The following TPP2 variants were observed in gnomAD, a reference collection of about 807,000 sequenced individuals.
The protein encoded by TPP2 is tripeptidyl-peptidase 2.
TPP2 carries 34 observed loss-of-function variants against 155.9 expected under a neutral mutation model. The ratio of observed to expected loss-of-function variants is 0.22; its 90% CI spans 0.17 to 0.29. The LOEUF (loss-of-function observed/expected upper bound fraction) is 0.29. Among genes scored for constraint, TPP2 ranks in the 10% least tolerant of loss-of-function variants. The pLI, the probability that TPP2 is intolerant of heterozygous loss-of-function variation, is 1.00. For synonymous variants in TPP2, 510 were observed against 529.4 expected (o/e 0.96, Z 0.50); for missense variants, 1,028 against 1,522.3 (o/e 0.68, Z 5.40).
chr13:102,673,318 G>C (rs1885096490), intron 27 of TPP2, among the ~76,000 whole-genome samples: 1 of 152,166 alleles, frequency 6.6e-6, no homozygotes, highest in African/African-American at 2.4e-5. Flanking sequence ...ATTTCACTCT[G>C]AGTCTTTCAG....
intron 5 of TPP2, among the ~76,000 whole-genome samples, chr13:102,620,277 T>C (rs1453798129): frequency 6.6e-6 from 1 of 152,202 alleles, no homozygotes; most frequent in African/African-American, 2.4e-5. Flanking sequence ...TTTAGAACTT[T>C]TGAGTTAGAA....
chr13:102,676,657 A>G (rs564007346), intron 29 of TPP2, among the ~76,000 whole-genome samples: 10 of 152,366 alleles, frequency 6.6e-5, no homozygotes, highest in South Asian at 2.1e-4. Context: ...AATGTTTTCA[A>G]CAAGGGCAAA....
chr13:102,608,643 G>C (rs1325445681), intron 2 of TPP2, among the ~76,000 whole-genome samples: 1 of 151,952 alleles, frequency 6.6e-6, no homozygotes, highest in East Asian at 1.9e-4. Context: ...GCATATTTTT[G>C]TATCATGTAT....
Position 102,614,138 on chromosome 13 carries a change from A to G in TPP2, c.332A>G (p.His111Arg). ...TGGACAAATCCCTCAGGCAAATATC[A>G]TATTGGCATAAAAAATGGCTATGAC... ...ASWTNPSGKYHIGIKNGYDFY... is the reference protein window; with the variant it reads ...ASWTNPSGKYRIGIKNGYDFY... The change falls in exon 3 of 30, where the codon CAT becomes CGT. Residue 111 changes from histidine (H) to arginine (R), a missense_variant. Physicochemically the swap from His to Arg is conservative, Grantham distance 29 (BLOSUM62 0). Around this residue, in one of 7 missense-constraint regions of TPP2, gnomAD observed 300 missense variants for 398.3 expected, o/e 0.75. Coordinates refer to ENST00000376052, the MANE Select transcript of TPP2 (RefSeq NM_001330588.2). The G allele has an allele frequency of 6.2e-7, 1 of 1,613,630 alleles. No individual in the cohort carries two copies.
chr13:102,623,524 T>C (rs1566332728), intron 6 of TPP2, among the ~76,000 whole-genome samples: 1 of 152,204 alleles, frequency 6.6e-6, no homozygotes. Flanking sequence ...GATCGTGCCA[T>C]TGCACTCCAG....
chr13:102,677,233 T>TA (rs778276621), intron 29 of TPP2, among the ~76,000 whole-genome samples: 2 of 152,226 alleles, frequency 1.3e-5, no homozygotes, highest in Non-Finnish European at 2.9e-5. Flanking sequence ...GAACTCTTTC[T>TA]GGAGCCAGGT....
In TPP2 at chr13:102,597,307, C is replaced by T. The variant is rs995557374; in HGVS notation, c.165+104C>T. On this transcript the variant is annotated intron_variant, in intron 1 of 29. Transcript: ENST00000376052. ...GCAGGCCAAAGCCCCGCTCTGCGGC[C>T]GAGTCCGGGCCGGGGTGGGCAGCAC... The T allele has an allele frequency of 1.1e-5, 7 of 658,426 alleles. No individual in the cohort carries two copies. The African/African-American group carries it at 1.1e-4, about 11-fold the overall frequency. The allele number at this position is 658,426 out of a possible 1,614,324, so 40.8% of individuals were successfully genotyped here.
At chr13:102,648,429 C>CGTGTGTGT (rs56934655) in intron 21 of TPP2, among the ~76,000 whole-genome samples, 6,226 of 147,914 alleles carry the variant, frequency 0.042, 149 homozygotes, top group East Asian at 0.071. Flanking sequence ...ATAAGTTACA[C>CGTGTGTGT]GTGTGTGTGT....
At chr13:102,611,374 T>C (rs1880303849) in intron 2 of TPP2, among the ~76,000 whole-genome samples, 1 of 152,286 alleles carries the variant, frequency 6.6e-6, no homozygotes, top group South Asian at 2.1e-4. Context: ...ACCAAGTGTC[T>C]GTATTAAAGG....
At position 102,635,665 on chromosome 13, in the gene TPP2, A is replaced by G. The variant is rs776609509; in HGVS notation, c.1472A>G (p.Asn491Ser). ...GAAAACACTGCAGTGAAGGCTGACA[A>G]TATAGAAGTATTTGCTCAAGGACAT... Reference protein sequence around the residue: ...ALENTAVKADNIEVFAQGHGI... With the variant: ...ALENTAVKADSIEVFAQGHGI... Residue 491 changes from asparagine to serine, a missense_variant, in exon 12 of 30, where the codon AAT (asparagine) becomes AGT (serine). This residue lies in a region of TPP2 where 325 missense variants were observed against 463.7 expected (regional missense o/e 0.70). Coordinates refer to ENST00000376052, the MANE Select transcript of TPP2 (RefSeq NM_001330588.2). The G allele has an allele frequency of 5.0e-6, 8 of 1,613,242 alleles. No individual in the cohort carries two copies. Among genetic ancestry groups the G allele is most frequent in the Non-Finnish European group, 6.8e-6 (8 of 1,179,760 alleles).
intron 25 of TPP2, among the ~76,000 whole-genome samples, chr13:102,659,057 G>C (rs1884036569): frequency 6.6e-6 from 1 of 152,192 alleles, no homozygotes; most frequent in Admixed American, 6.5e-5. Flanking sequence ...TAGTGATTTT[G>C]CCAGTGTGGC....
At chr13:102,630,245 A>G in intron 10 of TPP2, 50 bp downstream of exon 10, 1 of 1,431,460 alleles carries the variant, frequency 7.0e-7, no homozygotes, top group Non-Finnish European at 9.8e-7. Flanking sequence ...GTTAAACTTT[A>G]CACTGTTGAG....
At position 102,663,617 on chromosome 13, in the gene TPP2, G is replaced by A. The variant is rs767401664; in HGVS notation, c.3144-31G>A. On this transcript the variant is annotated intron_variant, in intron 25 of 29. Coordinates refer to ENST00000376052, the MANE Select transcript of TPP2 (RefSeq NM_001330588.2). Reference sequence around the variant, plus strand: ...CAAATAGTCTTTTTAAAAGAAAAAAGTAAATATTTCTCTCCTTCTTACATA... The same window carrying A: ...CAAATAGTCTTTTTAAAAGAAAAAAATAAATATTTCTCTCCTTCTTACATA... The A allele has an allele frequency of 1.4e-5, 21 of 1,481,784 alleles. No homozygotes were observed. In the African/African-American group the frequency reaches 3.1e-4, roughly 22 times the overall value. The allele number at this position is 1,481,784 out of a possible 1,614,324, so 91.8% of individuals were successfully genotyped here.
intron 11 of TPP2, among the ~76,000 whole-genome samples, 164 bp downstream of exon 11, chr13:102,634,262 T>G (rs1459900089): frequency 6.6e-6 from 1 of 152,236 alleles, no homozygotes; most frequent in East Asian, 1.9e-4. Flanking sequence ...AATGTGTGTT[T>G]ATTCAGCAGT....
intron 27 of TPP2, among the ~76,000 whole-genome samples, chr13:102,668,231 T>C (rs1323905981): frequency 6.6e-6 from 1 of 152,170 alleles, no homozygotes; most frequent in Non-Finnish European, 1.5e-5. Flanking sequence ...ATAAGAGAAT[T>C]TGGCTGCCTT....
chr13:102,617,146 C>T (rs2139447162), intron 4 of TPP2, among the ~76,000 whole-genome samples: 1 of 151,992 alleles, frequency 6.6e-6, no homozygotes, highest in African/African-American at 2.4e-5. Context: ...GAACTCCCAA[C>T]CTTGTGATAC....
intron 24 of TPP2, among the ~76,000 whole-genome samples, chr13:102,656,386 C>G (rs1234949529): frequency 6.6e-6 from 1 of 152,160 alleles, no homozygotes; most frequent in Non-Finnish European, 1.5e-5. Context: ...ATACCCAGCT[C>G]AGGTCTTTAC....
intron 2 of TPP2, among the ~76,000 whole-genome samples, chr13:102,612,385 G>A (rs1158702182): frequency 6.6e-6 from 1 of 152,144 alleles, no homozygotes; most frequent in Non-Finnish European, 1.5e-5. Flanking sequence ...GAAATGAGGT[G>A]TAATTGGTAA....
intron 27 of TPP2, among the ~76,000 whole-genome samples, chr13:102,672,919 G>A (rs1258329865): frequency 6.6e-6 from 1 of 152,204 alleles, no homozygotes; most frequent in Non-Finnish European, 1.5e-5. Flanking sequence ...ACTGTGCTGA[G>A]AAGCACTGAG....
Sources: gnomAD v4.1 joint callset for allele counts (sites outside exome capture counted in the v4.1 genomes callset) on GRCh38, gnomAD v4.1.1 for gene constraint, gnomAD v4.1.1 regional missense constraint, MANE v1.5 for transcripts, NCBI Gene and HGNC (gene_info 2026-07-23, HGNC 2026-07-21) for gene names.